Variants in TMC1 observed in about 807,000 individuals in gnomAD.
TMC1 encodes transmembrane channel like 1.
In TMC1, 84 loss-of-function variants were observed where a neutral mutation model predicts 105.8. That is an observed-to-expected ratio of 0.79 (90% confidence interval 0.67 to 0.95). TMC1 has a LOEUF of 0.95. TMC1 is among the 40% of genes least tolerant of loss of function. TMC1 has a pLI of 0.00. For missense variants in TMC1, 817 were observed against 914.1 expected, an observed-to-expected ratio of 0.89 and a Z score of 1.37; for synonymous variants, 315 against 311.5, an observed-to-expected ratio of 1.01 and a Z score of -0.12.
intron 7 of TMC1, 120 bp downstream of exon 7, chr9:72,694,834 G>A: frequency 1.1e-6 from 1 of 890,594 alleles, no homozygotes; most frequent in Non-Finnish European, 1.7e-6. Context: ...GCCTTAATCT[G>A]ATGATGCTAT....
chr9:72,555,115 G>A (rs1432732450), intron 1 of TMC1, among the ~76,000 whole-genome samples: 1 of 151,822 alleles, frequency 6.6e-6, no homozygotes, highest in African/African-American at 2.4e-5. Flanking sequence ...CTGACCTCAA[G>A]TGATCCACCC....
intron 8 of TMC1, among the ~76,000 whole-genome samples, chr9:72,732,790 T>G (rs1827235281): frequency 6.6e-6 from 1 of 152,176 alleles, no homozygotes. Context: ...CTTATTTTAC[T>G]TAGCGAATCC....
chr9:72,778,862 C>T (rs753950291), intron 13 of TMC1, among the ~76,000 whole-genome samples: 5 of 152,178 alleles, frequency 3.3e-5, no homozygotes, highest in Non-Finnish European at 7.3e-5. Flanking sequence ...AGACCCCACC[C>T]AACTGTTGGA....
At chr9:72,586,832 G>A (rs1824561379) in intron 2 of TMC1, among the ~76,000 whole-genome samples, 1 of 152,226 alleles carries the variant, frequency 6.6e-6, no homozygotes, top group South Asian at 2.1e-4. Flanking sequence ...GTAACTAAGT[G>A]TAATTCAATG....
intron 10 of TMC1, among the ~76,000 whole-genome samples, chr9:72,743,715 G>GAAGA (rs1225965856): frequency 2.7e-5 from 3 of 110,372 alleles, no homozygotes; most frequent in East Asian, 2.0e-4. Flanking sequence ...ATATTCATAG[G>GAAGA]AAGGAAGGAA....
chr9:72,742,639 C>A, intron 10 of TMC1, 114 bp downstream of exon 10: 1 of 881,416 alleles, frequency 1.1e-6, no homozygotes, highest in Non-Finnish European at 1.8e-6. Context: ...AACAAACAAA[C>A]AAACAAACAA....
intron 8 of TMC1, among the ~76,000 whole-genome samples, chr9:72,723,010 G>A (rs1357665005): frequency 6.6e-6 from 1 of 152,106 alleles, no homozygotes; most frequent in East Asian, 1.9e-4. Flanking sequence ...ACAACTGAAA[G>A]CAGAGGTTAA....
At chr9:72,565,916 C>G (rs910768579) in intron 1 of TMC1, among the ~76,000 whole-genome samples, 7 of 152,178 alleles carry the variant, frequency 4.6e-5, no homozygotes, top group African/African-American at 1.7e-4. Flanking sequence ...ATTATGGGAG[C>G]TACAATTCAA....
chr9:72,691,694 G>GTT (rs879582677), intron 6 of TMC1, among the ~76,000 whole-genome samples: 23 of 151,956 alleles, frequency 1.5e-4, no homozygotes, highest in Non-Finnish European at 2.4e-4. Context: ...TTTGTTTCCA[G>GTT]TAGTCCCCAG....
At position 72,628,007 on chromosome 9, in the gene TMC1, A is replaced by AAGG; in HGVS notation, c.-107_-105dup. On this transcript the variant is annotated 5_prime_UTR_variant, in exon 4 of 24. Coordinates refer to ENST00000297784, the MANE Select transcript of TMC1 (RefSeq NM_138691.3). ...GGGCAGCAACTTTGAGCCTGTGGGG[A>AAGG]AGGAACTGTCCACGTGGAGTGGTCT... 1 of 455,582 alleles carries AAGG rather than the reference A, an allele frequency of 2.2e-6. No individual in the cohort carries two copies. The highest frequency in any genetic ancestry group is 4.4e-6 in the Non-Finnish European group (1 of 226,754). 28.2% of individuals were successfully genotyped at this position (455,582 alleles called of 1,614,324 possible).
chr9:72,685,100 CTTTTTTTTTTT>C (rs71359515), intron 5 of TMC1, among the ~76,000 whole-genome samples: 8 of 91,064 alleles, frequency 8.8e-5, no homozygotes, highest in Admixed American at 4.2e-4. Flanking sequence ...TAAAGTCATT[CTTTTTTTTTTT>C]TTTTTTTTTT....
chr9:72,583,020 A>C (rs182901918), intron 2 of TMC1, among the ~76,000 whole-genome samples: 1 of 152,306 alleles, frequency 6.6e-6, no homozygotes, highest in East Asian at 1.9e-4. Flanking sequence ...CAGGAGTTTG[A>C]GACCAGCCTG....
At chr9:72,572,884 C>T (rs1824311292) in intron 1 of TMC1, among the ~76,000 whole-genome samples, 1 of 151,750 alleles carries the variant, frequency 6.6e-6, no homozygotes, top group African/African-American at 2.4e-5. Context: ...ACCAGATACT[C>T]GGGAGGCTGA....
chr9:72,631,026 C>G (rs1195084689), intron 4 of TMC1, among the ~76,000 whole-genome samples: 1 of 152,000 alleles, frequency 6.6e-6, no homozygotes, highest in African/African-American at 2.4e-5. Context: ...CACCATCACG[C>G]CCGGCTAATT....
chr9:72,647,710 A>G (rs908995237), intron 4 of TMC1, among the ~76,000 whole-genome samples: 1 of 152,016 alleles, frequency 6.6e-6, no homozygotes, highest in East Asian at 1.9e-4. Context: ...TAGAAGGGTC[A>G]TATATGTGCA....
At chr9:72,717,694 T>C (rs935408503) in intron 8 of TMC1, among the ~76,000 whole-genome samples, 2 of 152,238 alleles carry the variant, frequency 1.3e-5, no homozygotes, top group African/African-American at 4.8e-5. Flanking sequence ...CTTTATAGGC[T>C]ACCTGGTGCT....
intron 2 of TMC1, among the ~76,000 whole-genome samples, chr9:72,581,982 A>C (rs898467217): frequency 6.6e-6 from 1 of 152,148 alleles, no homozygotes; most frequent in Non-Finnish European, 1.5e-5. Context: ...TTTGAGACGG[A>C]GTTTCGCTCT....
chr9:72,566,204 T>C (rs990999854), intron 1 of TMC1, among the ~76,000 whole-genome samples: 1 of 152,160 alleles, frequency 6.6e-6, no homozygotes, highest in Non-Finnish European at 1.5e-5. Context: ...GTTTGTTTGT[T>C]GTGGAGATGG....
intron 8 of TMC1, among the ~76,000 whole-genome samples, chr9:72,729,328 G>T (rs1827169869): frequency 6.6e-6 from 1 of 151,986 alleles, no homozygotes; most frequent in South Asian, 2.1e-4. Flanking sequence ...CTATCCAAAA[G>T]GAACTATACC....
Sources: allele counts gnomAD v4.1 joint callset (sites outside exome capture counted in the v4.1 genomes callset), GRCh38; gene constraint gnomAD v4.1.1; transcripts MANE v1.5; gene names NCBI Gene and HGNC (gene_info 2026-07-23, HGNC 2026-07-21).